The following RPTOR variants were observed in gnomAD, a reference collection of about 807,000 sequenced individuals.
RPTOR encodes the protein regulatory-associated protein of mTOR.
Under a neutral mutation model 169.9 loss-of-function variants are expected in RPTOR, and 21 were observed. The observed-to-expected ratio is 0.12, with a 90% confidence interval of 0.09 to 0.18. The LOEUF (loss-of-function observed/expected upper bound fraction) is 0.18. Ranked by LOEUF, RPTOR falls within the 10% of genes least tolerant of loss-of-function variation. The pLI, the probability that RPTOR is intolerant of heterozygous loss-of-function variation, is 1.00. For missense variants in RPTOR, 1,133 were observed against 1,855.9 expected, an observed-to-expected ratio of 0.61 and a Z score of 7.16; for synonymous variants, 732 against 753.2, an observed-to-expected ratio of 0.97 and a Z score of 0.46.
intron 9 of RPTOR, among the ~76,000 whole-genome samples, chr17:80,832,074 G>T (rs2067511439): frequency 6.6e-6 from 1 of 152,230 alleles, no homozygotes; most frequent in South Asian, 2.1e-4. Flanking sequence ...GATACGGAGG[G>T]CATGCAGCCA....
chr17:80,762,849 TA>T (rs201492566), intron 6 of RPTOR, among the ~76,000 whole-genome samples: 11 of 150,170 alleles, frequency 7.3e-5, no homozygotes, highest in Non-Finnish European at 1.3e-4. Context: ...TTCTTCTCTC[TA>T]AAAAAAAACG....
chr17:80,776,982 T>C (rs1265006854), intron 6 of RPTOR, among the ~76,000 whole-genome samples: 1 of 152,046 alleles, frequency 6.6e-6, no homozygotes, highest in Admixed American at 6.6e-5. Flanking sequence ...CTCACGCCTG[T>C]AATCCCAGCA....
chr17:80,700,709 A>G (rs1053773406), intron 3 of RPTOR, among the ~76,000 whole-genome samples: 393 of 28,604 alleles, frequency 0.014, no homozygotes, highest in Middle Eastern at 0.033. Flanking sequence ...GGTGGTGGTG[A>G]TGGTGGTGGT....
chr17:80,609,822 G>T lies in RPTOR; in HGVS notation c.163-15869G>T, dbSNP rs546887445. Among the ~76,000 whole-genome samples the T allele has an allele frequency of 9.9e-5, 15 of 151,346 alleles. No individual in the cohort carries two copies. Among genetic ancestry groups the T allele is most frequent in the Non-Finnish European group, 2.1e-4 (14 of 67,836 alleles). ...GTGTGTGTGTGTTAAGAGAGCCATT[G>T]TAGGCTACATGCATGTGGTAATAGA... On this transcript the variant is annotated intron_variant, in intron 1 of 33. Coordinates refer to ENST00000306801, the MANE Select transcript of RPTOR (RefSeq NM_020761.3). This position sits in a 1 kb window ranked among gnomAD's most constrained non-coding sequence, Gnocchi z 4.8.
intron 1 of RPTOR, among the ~76,000 whole-genome samples, chr17:80,546,962 G>T (rs1483886737): frequency 6.6e-6 from 1 of 152,104 alleles, no homozygotes; most frequent in Non-Finnish European, 1.5e-5. Context: ...CCAGCTACTC[G>T]AGAAGCTGAG....
intron 13 of RPTOR, among the ~76,000 whole-genome samples, chr17:80,865,852 A>T (rs531138352): frequency 1.3e-5 from 2 of 152,126 alleles, no homozygotes; most frequent in East Asian, 3.9e-4. Context: ...TGCAGTGCAC[A>T]GAGGCTGTGC....
At chr17:80,622,291 T>G (rs1333142659) in intron 1 of RPTOR, among the ~76,000 whole-genome samples, 1 of 152,234 alleles carries the variant, frequency 6.6e-6, no homozygotes, top group Non-Finnish European at 1.5e-5. Flanking sequence ...TGTTAACAGC[T>G]GTTCACCATG....
intron 17 of RPTOR, among the ~76,000 whole-genome samples, chr17:80,887,633 G>T (rs2068265086): frequency 6.6e-6 from 1 of 152,270 alleles, no homozygotes; most frequent in East Asian, 1.9e-4. Flanking sequence ...AGTAGAACTG[G>T]CTGAGAGGCT....
At chr17:80,863,105 G>T (rs1047697964) in intron 13 of RPTOR, among the ~76,000 whole-genome samples, 1 of 152,254 alleles carries the variant, frequency 6.6e-6, no homozygotes, top group Non-Finnish European at 1.5e-5. Context: ...GGCTCGGGCG[G>T]AAGAAAAGAC....
rs2066522173 is a variant in RPTOR, at chr17:80,743,889, ACT to A, written c.655-10120_655-10119del. ...TACTAGCACAGCCCTGGCTACTAGC[ACT>A]GTCCTGGTTACGAGCACAGCCCTGG... is the stretch of plus-strand genomic sequence containing the variant. On this transcript the variant is annotated intron_variant, in intron 5 of 33. Transcript: ENST00000306801. Among the ~76,000 whole-genome samples, 10 of 102,010 alleles carry A rather than the reference ACT, an allele frequency of 9.8e-5. 2 individuals carry two copies. The highest frequency in any genetic ancestry group is 3.0e-4 in the African/African-American group (7 of 23,646). 66.9% of individuals were successfully genotyped at this position (102,010 alleles called of 152,430 possible).
chr17:80,700,706 GTGATGGTGGTGGTGGTGGTGGTGA>G (rs1208641887), intron 3 of RPTOR, among the ~76,000 whole-genome samples: 537 of 26,534 alleles, frequency 0.02, 65 homozygotes, highest in Middle Eastern at 0.038. Context: ...GATGGTGGTG[GTGATGGTGGTGGTGGTGGTGGTGA>G]TGATGGTGGT....
At position 80,912,533 on chromosome 17, in the gene RPTOR, C is replaced by G. The variant is rs572192035; in HGVS notation, c.2520+3604C>G. Among the ~76,000 whole-genome samples the G allele has an allele frequency of 1.3e-4, 20 of 152,270 alleles. 1 individual carries two copies. The South Asian group carries it at 3.9e-3, about 30-fold the overall frequency. ...AAATATAAGGACTATTAAGTGCGTT[C>G]CTGTGGACCTGGCCTCCAGTTGTTA... On this transcript the variant is annotated intron_variant, in intron 21 of 33. Transcript: ENST00000306801.
intron 1 of RPTOR, among the ~76,000 whole-genome samples, chr17:80,605,656 T>A (rs2065223727): frequency 1.3e-5 from 2 of 152,150 alleles, no homozygotes; most frequent in South Asian, 4.1e-4. Context: ...AGAGCTACAG[T>A]TCCTAGGTGT....
At chr17:80,642,683 C>A (rs1017496603) in intron 2 of RPTOR, among the ~76,000 whole-genome samples, 1 of 152,178 alleles carries the variant, frequency 6.6e-6, no homozygotes. Flanking sequence ...GATACTACAT[C>A]TCATATAATC....
At chr17:80,587,392 A>G (rs1465758894) in intron 1 of RPTOR, among the ~76,000 whole-genome samples, 1 of 152,226 alleles carries the variant, frequency 6.6e-6, no homozygotes, top group Non-Finnish European at 1.5e-5. Context: ...GAGCCATTGA[A>G]TACAGTGTCG....
chr17:80,849,880 C>T (rs2067774627), intron 11 of RPTOR, among the ~76,000 whole-genome samples: 2 of 152,240 alleles, frequency 1.3e-5, no homozygotes, highest in Non-Finnish European at 2.9e-5. Context: ...CGTTTGCCCT[C>T]TGGCTTCGGC....
chr17:80,883,578 G>C lies in RPTOR; in HGVS notation c.1650+94G>C, dbSNP rs552497902. 7.4e-6 allele frequency: 6 copies of C among 812,588 alleles called. No individual in the cohort carries two copies. The African/African-American group carries it at 2.6e-4, about 35-fold the overall frequency. The allele number at this position is 812,588 out of a possible 1,614,324, so 50.3% of individuals were successfully genotyped here. On this transcript the variant is annotated intron_variant, in intron 15 of 33. Coordinates refer to ENST00000306801, the MANE Select transcript of RPTOR (RefSeq NM_020761.3). ...GAAACGTGGTGCCACATGGGGGACA[G>C]GGGGTGTCCAGCAGAGGCTCTGACC...
At chr17:80,549,009 A>C (rs948353074) in intron 1 of RPTOR, among the ~76,000 whole-genome samples, 7 of 152,214 alleles carry the variant, frequency 4.6e-5, no homozygotes, top group Non-Finnish European at 1.0e-4. Flanking sequence ...TCTTTACCAA[A>C]GTTGACTGAC....
Position 80,730,745 on chromosome 17 carries a change from G to GT in RPTOR, c.654+43dup. ...TGCTTGGAGAGCGGTGCTGGGTTTG[G>GT]TTTTGTTTTCCCTGGGGGTGGGGTT... is the stretch of plus-strand genomic sequence containing the variant. On this transcript the variant is annotated intron_variant, in intron 5 of 33. Transcript: ENST00000306801. The surrounding 1 kb of genome is among the most constrained non-coding windows in gnomAD (Gnocchi z 4.2). 5.3e-6 allele frequency: 4 copies of GT among 750,774 alleles called. No individual in the cohort carries two copies. The highest frequency in any genetic ancestry group is 2.1e-5 in the Admixed American group (1 of 47,484). 46.5% of individuals were successfully genotyped at this position (750,774 alleles called of 1,614,324 possible). A position where few individuals can be genotyped will look rare whatever the true frequency, so the allele number is the denominator to read the frequency against.
Sources: allele counts gnomAD v4.1 joint callset (sites outside exome capture counted in the v4.1 genomes callset), GRCh38; gene constraint gnomAD v4.1.1; non-coding constraint Gnocchi (gnomAD v3.1); transcripts MANE v1.5; gene names NCBI Gene and HGNC (gene_info 2026-07-23, HGNC 2026-07-21).